PACSIN1: variants seen among roughly 807,000 people sequenced by gnomAD.
PACSIN1 encodes protein kinase C and casein kinase substrate in neurons protein 1.
Under a neutral mutation model 59.5 loss-of-function variants are expected in PACSIN1, and 15 were observed. The observed-to-expected ratio is 0.25, with a 90% CI of 0.17 to 0.39. PACSIN1 has a LOEUF of 0.39. Ranked by LOEUF, PACSIN1 falls within the 10% of genes least tolerant of loss-of-function variation. The pLI is 1.00. For synonymous variants in PACSIN1, 210 were observed against 220.6 expected (o/e 0.95, Z 0.42); for missense variants, 420 against 580.2 (o/e 0.72, Z 2.84).
chr6:34,531,028 C>A lies in PACSIN1; in HGVS notation c.1037+441C>A, dbSNP rs565153018. Among the ~76,000 whole-genome samples the A allele has an allele frequency of 2.6e-5, 4 of 152,278 alleles. No homozygotes were observed. Among genetic ancestry groups the A allele is most frequent in the Admixed American group, 1.3e-4 (2 of 15,300 alleles). ...GTGCTGCCTGGTTCCTAACAGGCCA[C>A]GGACTGTCTGCAGCCCCAGGGTTGG... On this transcript the variant is annotated intron_variant, in intron 8 of 9. Transcript: ENST00000244458. This position sits in a 1 kb window ranked among gnomAD's most constrained non-coding sequence, Gnocchi z 4.4.
In PACSIN1 at chr6:34,521,719, C is replaced by T. The variant is rs1490876502; in HGVS notation, c.-63-4524C>T. Among the ~76,000 whole-genome samples the T allele has an allele frequency of 2.0e-5, 3 of 152,074 alleles. No homozygotes were observed. Among genetic ancestry groups the T allele is most frequent in the Non-Finnish European group, 2.9e-5 (2 of 68,002 alleles). ...GCTGTTGCTCCACTACAGGCAACGG[C>T]GGTGGTGGATGGATAGTAAGCGCCG... On this transcript the variant is annotated intron_variant, in intron 1 of 9. Transcript: ENST00000244458. The surrounding 1 kb of genome is among the most constrained non-coding windows in gnomAD (Gnocchi z 4.3).
At position 34,528,915 on chromosome 6, in the gene PACSIN1, G is replaced by GGCCCGGGGGGGGGGGGGGGGGGC; in HGVS notation, c.456+38_456+39insGCCCGGGGGGGGGGGGGGGGGGC. The GGCCCGGGGGGGGGGGGGGGGGGC allele has an allele frequency of 1.2e-5, 8 of 653,162 alleles. No individual in the cohort carries two copies. The East Asian group carries it at 1.3e-4, about 11-fold the overall frequency. The allele number at this position is 653,162 out of a possible 1,614,324, so 40.5% of individuals were successfully genotyped here. A position where few individuals can be genotyped will look rare whatever the true frequency, so the allele number is the denominator to read the frequency against. ...TGCTGCCACGGGCGGGGTGGGGTGG[G>GGCCCGGGGGGGGGGGGGGGGGGC]CCCGTCTGATCAGAGGGTGCTGATC... On this transcript the variant is annotated intron_variant, in intron 4 of 9. Coordinates refer to ENST00000244458, the MANE Select transcript of PACSIN1 (RefSeq NM_020804.5).
Position 34,483,930 on chromosome 6 carries a change from T to C in PACSIN1, c.-64+17660T>C, listed in dbSNP as rs182446664. On this transcript the variant is annotated intron_variant, in intron 1 of 9. Transcript: ENST00000244458. ...TCCCAAAGTGTTGGGATTACAGGTGTTAGCCACCGCGCTCAGCCCCTTCAA... is the reference window on the plus strand; with the variant it reads ...TCCCAAAGTGTTGGGATTACAGGTGCTAGCCACCGCGCTCAGCCCCTTCAA... Among the ~76,000 whole-genome samples the C allele has an allele frequency of 5.3e-5, 8 of 152,248 alleles. No individual in the cohort carries two copies. The East Asian group carries it at 1.5e-3, about 29-fold the overall frequency.
chr6:34,485,899 C>T (rs572898345), intron 1 of PACSIN1, among the ~76,000 whole-genome samples: 1 of 152,042 alleles, frequency 6.6e-6, no homozygotes, highest in Non-Finnish European at 1.5e-5. Context: ...GGAAAGGCTT[C>T]GGAGGGAGTG....
chr6:34,531,509 T>A lies in PACSIN1; in HGVS notation c.1038-91T>A. On this transcript the variant is annotated intron_variant, in intron 8 of 9. Coordinates refer to ENST00000244458, the MANE Select transcript of PACSIN1 (RefSeq NM_020804.5). The surrounding 1 kb of genome is among the most constrained non-coding windows in gnomAD (Gnocchi z 4.4). ...ATCCTTGCTCTAGCCTTGGTAGAAT[T>A]CGGGATCAGGGCTCTGATTAGGAGG... The A allele has an allele frequency of 7.5e-7, 1 of 1,329,026 alleles. No homozygotes were observed. The highest frequency in any genetic ancestry group is 1.3e-5 in the South Asian group (1 of 76,268). 82.3% of individuals were successfully genotyped at this position (1,329,026 alleles called of 1,614,324 possible). A position where few individuals can be genotyped will look rare whatever the true frequency, so the allele number is the denominator to read the frequency against.
chr6:34,508,075 A>G (rs768598430), intron 1 of PACSIN1, among the ~76,000 whole-genome samples: 15 of 151,098 alleles, frequency 9.9e-5, no homozygotes, highest in Non-Finnish European at 1.3e-4. Flanking sequence ...CAGAAGTGGT[A>G]TTGATGGATC....
Position 34,525,603 on chromosome 6 carries a change from G to T in PACSIN1, c.-63-640G>T, listed in dbSNP as rs1259791566. ...CCAGGCCCTTGGCCCTCTGAGTCCT[G>T]GCTCCTGACTACTGAGCCATTCTTG... is the stretch of plus-strand genomic sequence containing the variant. On this transcript the variant is annotated intron_variant, in intron 1 of 9. Transcript: ENST00000244458. This position sits in a 1 kb window ranked among gnomAD's most constrained non-coding sequence, Gnocchi z 4.9. Among the ~76,000 whole-genome samples, 2 of 152,236 alleles carry T rather than the reference G, an allele frequency of 1.3e-5. No homozygotes were observed. Among genetic ancestry groups the T allele is most frequent in the African/African-American group, 2.4e-5 (1 of 41,458 alleles).
chr6:34,504,978 GTTATTATTA>G (rs765883996), intron 1 of PACSIN1, among the ~76,000 whole-genome samples: 5 of 150,948 alleles, frequency 3.3e-5, no homozygotes, highest in Non-Finnish European at 4.4e-5. Flanking sequence ...GTTTTTCCCT[GTTATTATTA>G]TTATTATTAT....
At chr6:34,505,588 T>C (rs1767099836) in intron 1 of PACSIN1, among the ~76,000 whole-genome samples, 3 of 151,152 alleles carry the variant, frequency 2.0e-5, no homozygotes, top group African/African-American at 7.3e-5. Context: ...TCTATTGTTC[T>C]ATCTTCAAGT....
chr6:34,494,011 C>G (rs1416143475), intron 1 of PACSIN1, among the ~76,000 whole-genome samples: 1 of 152,204 alleles, frequency 6.6e-6, no homozygotes, highest in Non-Finnish European at 1.5e-5. Flanking sequence ...AGCAAGAGAA[C>G]AGAATATCAG....
At chr6:34,510,844 C>G (rs1230972204) in intron 1 of PACSIN1, among the ~76,000 whole-genome samples, 1 of 152,226 alleles carries the variant, frequency 6.6e-6, no homozygotes, top group East Asian at 1.9e-4. Context: ...TCCCGAGTAG[C>G]TGGGACTACA....
chr6:34,522,223 G>C (rs1483204918), intron 1 of PACSIN1, among the ~76,000 whole-genome samples: 1 of 152,216 alleles, frequency 6.6e-6, no homozygotes, highest in Non-Finnish European at 1.5e-5. Context: ...CTGGAGCGAG[G>C]ATTCAATACC....
chr6:34,470,000 A>G (rs1766549224), intron 1 of PACSIN1, among the ~76,000 whole-genome samples: 1 of 152,056 alleles, frequency 6.6e-6, no homozygotes, highest in East Asian at 1.9e-4. Context: ...TGCTGGGGAC[A>G]CTTTGTGGCT....
chr6:34,503,025 AG>A (rs1220962608), intron 1 of PACSIN1, among the ~76,000 whole-genome samples: 6 of 152,142 alleles, frequency 3.9e-5, no homozygotes, highest in African/African-American at 1.4e-4. Flanking sequence ...GACCCCTGGA[AG>A]GGGCACTGCA....
intron 1 of PACSIN1, among the ~76,000 whole-genome samples, chr6:34,489,993 G>A (rs1392284270): frequency 6.6e-6 from 1 of 152,076 alleles, no homozygotes; most frequent in Non-Finnish European, 1.5e-5. Context: ...ACTCAGATCT[G>A]GAAACTTCTC....
At chr6:34,496,941 C>CTTT (rs11464603) in intron 1 of PACSIN1, among the ~76,000 whole-genome samples, 2,644 of 100,738 alleles carry the variant, frequency 0.026, 210 homozygotes, top group African/African-American at 0.066. Flanking sequence ...CTCTCTCTCT[C>CTTT]TTTTTTTTTT....
At chr6:34,491,903 C>T (rs779625035) in intron 1 of PACSIN1, among the ~76,000 whole-genome samples, 1 of 152,114 alleles carries the variant, frequency 6.6e-6, no homozygotes, top group Non-Finnish European at 1.5e-5. Context: ...TGAACCACCG[C>T]GCCCGGCCCC....
Position 34,496,340 on chromosome 6 carries a change from A to G in PACSIN1, c.-63-29903A>G, listed in dbSNP as rs141379720. The stretch of plus-strand genomic sequence containing the variant: ...TCCTCCCTACAGTGGGGAGGAGGCT[A>G]CGGTGGGGGCCTGTCAGAGGGTCAC... On this transcript the variant is annotated intron_variant, in intron 1 of 9. Transcript: ENST00000244458. Among the ~76,000 whole-genome samples the G allele has an allele frequency of 2.8e-3, 413 of 147,790 alleles. 1 individual carries two copies. The highest frequency in any genetic ancestry group is 9.4e-3 in the African/African-American group (382 of 40,450).
chr6:34,477,402 GAAGA>G (rs1013178001), intron 1 of PACSIN1, among the ~76,000 whole-genome samples: 14 of 149,958 alleles, frequency 9.3e-5, no homozygotes, highest in East Asian at 5.8e-4. Flanking sequence ...AAGAAAAAAA[GAAGA>G]AAGAAAGAAA....
Sources: gnomAD v4.1 joint callset for allele counts (sites outside exome capture counted in the v4.1 genomes callset) on GRCh38, gnomAD v4.1.1 for gene constraint, Gnocchi (gnomAD v3.1) non-coding constraint, MANE v1.5 for transcripts, NCBI Gene and HGNC (gene_info 2026-07-23, HGNC 2026-07-21) for gene names.